The following PSMB7 variants were observed in gnomAD, a reference collection of about 807,000 sequenced individuals.
PSMB7 encodes proteasome 20S subunit beta 7.
Under a neutral mutation model 28.1 loss-of-function variants are expected in PSMB7, and 5 were observed. That is an observed-to-expected ratio of 0.18 (90% CI 0.09 to 0.37). PSMB7 has a LOEUF of 0.37. Ranked by LOEUF, PSMB7 falls within the 10% of genes least tolerant of loss-of-function variation. The pLI is 1.00. For missense variants in PSMB7, 275 were observed against 346.2 expected (o/e 0.79, Z 1.63); for synonymous variants, 122 against 123.7 (o/e 0.99, Z 0.09).
chr9:124,411,499 A>T (rs1337168772), intron 4 of PSMB7, among the ~76,000 whole-genome samples: 1 of 152,254 alleles, frequency 6.6e-6, no homozygotes, highest in Admixed American at 6.5e-5. Context: ...AAGGCAAAGA[A>T]TTTGTTAAAG....
At chr9:124,409,195 G>A (rs1408097) in intron 4 of PSMB7, among the ~76,000 whole-genome samples, 152,329 of 152,360 alleles carry the variant, frequency 1, 76,149 homozygotes, top group Non-Finnish European at 1. Context: ...AAGAACTTAA[G>A]AGACAGAAGA....
At position 124,407,678 on chromosome 9, in the gene PSMB7, C is replaced by T. The variant is rs114514566; in HGVS notation, c.396-2246G>A. The stretch of plus-strand genomic sequence containing the variant: ...ATTAAAATTTTAATAATTTATTGAT[C>T]CACAAATTCTACTACCAGGACTCTA... On this transcript the variant is annotated intron_variant, in intron 4 of 7. Coordinates refer to ENST00000259457, the MANE Select transcript of PSMB7 (RefSeq NM_002799.4). 7.3e-3 allele frequency among the ~76,000 whole-genome samples: 1,114 copies of T among 152,186 alleles called. 13 individuals are homozygous for T. Among genetic ancestry groups the T allele is most frequent in the African/African-American group, 0.026 (1,064 of 41,498 alleles).
intron 5 of PSMB7, among the ~76,000 whole-genome samples, chr9:124,396,272 T>C (rs892478452): frequency 1.3e-5 from 2 of 151,386 alleles, no homozygotes; most frequent in Non-Finnish European, 3.0e-5. Context: ...TACTTGAGTA[T>C]AAAAATACAG....
chr9:124,358,628 C>G (rs1325000511), intron 6 of PSMB7, among the ~76,000 whole-genome samples: 1 of 152,254 alleles, frequency 6.6e-6, no homozygotes, highest in Admixed American at 6.5e-5. Flanking sequence ...AAACCAACCA[C>G]TAATTCAGCA....
chr9:124,355,153 T>C (rs540842929), intron 7 of PSMB7, among the ~76,000 whole-genome samples: 2 of 152,374 alleles, frequency 1.3e-5, no homozygotes, highest in South Asian at 4.1e-4. Flanking sequence ...TCCAGGGAGC[T>C]TGGACACTTG....
rs1195878771 is a variant in PSMB7, at chr9:124,413,567, T to C, written c.254+341A>G. Among the ~76,000 whole-genome samples, 10 of 151,860 alleles carry C rather than the reference T, an allele frequency of 6.6e-5. No individual in the cohort carries two copies. In the East Asian group the frequency reaches 1.7e-3, roughly 26 times the overall value. On this transcript the variant is annotated intron_variant, in intron 3 of 7. Transcript: ENST00000259457. ...GAGGCCAATTAAATGGTAACTGCAA[T>C]AGTCCAGCTAAGAAAAAAGAACCTC...
chr9:124,414,973 GACC>G, intron 1 of PSMB7, 38 bp from the exon 2 acceptor site: 1 of 1,420,258 alleles, frequency 7.0e-7, no homozygotes. Context: ...TGAAGGGCAG[GACC>G]ACATCGCACA....
chr9:124,355,229 C>T (rs548975494), intron 7 of PSMB7, among the ~76,000 whole-genome samples: 2 of 152,362 alleles, frequency 1.3e-5, no homozygotes, highest in East Asian at 1.9e-4. Context: ...ACCCACCACA[C>T]GCCCAGCAGC....
At chr9:124,408,268 T>C (rs1012338209) in intron 4 of PSMB7, among the ~76,000 whole-genome samples, 1 of 152,200 alleles carries the variant, frequency 6.6e-6, no homozygotes, top group Non-Finnish European at 1.5e-5. Context: ...AGGGAGAGCT[T>C]TGACAACATC....
chr9:124,406,390 T>G (rs920497489), intron 4 of PSMB7, among the ~76,000 whole-genome samples: 1 of 150,130 alleles, frequency 6.7e-6, no homozygotes, highest in Non-Finnish European at 1.5e-5. Context: ...TAGTCCCAGA[T>G]ACTTGGGAGG....
intron 2 of PSMB7, 116 bp from the exon 3 acceptor site, chr9:124,414,121 G>T (rs186336472): frequency 5.0e-6 from 3 of 605,692 alleles, no homozygotes; most frequent in Admixed American, 6.0e-5. Flanking sequence ...ATCTCAAAAC[G>T]CCAGCCAAAA....
chr9:124,388,634 A>G (rs1261706999), intron 5 of PSMB7, among the ~76,000 whole-genome samples: 1 of 152,166 alleles, frequency 6.6e-6, no homozygotes, highest in Non-Finnish European at 1.5e-5. Context: ...ATGCTACAAT[A>G]CAGTTGAGAG....
intron 1 of PSMB7, 37 bp from the exon 2 acceptor site, chr9:124,414,972 G>C (rs776620309): frequency 1.4e-5 from 20 of 1,419,570 alleles, no homozygotes; most frequent in Non-Finnish European, 1.8e-5. Context: ...TTGAAGGGCA[G>C]GACCACATCG....
At chr9:124,361,315 A>G (rs1830463818) in intron 6 of PSMB7, among the ~76,000 whole-genome samples, 2 of 152,196 alleles carry the variant, frequency 1.3e-5, no homozygotes, top group African/African-American at 2.4e-5. Flanking sequence ...CTGGACTCCA[A>G]TGTGCAGTTC....
intron 6 of PSMB7, among the ~76,000 whole-genome samples, chr9:124,362,442 C>T (rs546495037): frequency 1.5e-4 from 23 of 152,322 alleles, no homozygotes; most frequent in African/African-American, 5.3e-4. Context: ...AGCAAGAATG[C>T]GGATGGCATC....
At position 124,400,096 on chromosome 9, in the gene PSMB7, C is replaced by T. The variant is rs527504100; in HGVS notation, c.511+5221G>A. Among the ~76,000 whole-genome samples the T allele has an allele frequency of 2.6e-5, 4 of 152,296 alleles. No individual in the cohort carries two copies. In the South Asian group the frequency reaches 8.3e-4, roughly 32 times the overall value. ...CTTCTGCTGCACCCCCTGCATGGGT[C>T]CCTTGCCCCACCCCCACTCACTGCT... On this transcript the variant is annotated intron_variant, in intron 5 of 7. Coordinates refer to ENST00000259457, the MANE Select transcript of PSMB7 (RefSeq NM_002799.4).
intron 4 of PSMB7, among the ~76,000 whole-genome samples, chr9:124,410,991 T>G (rs531546695): frequency 6.6e-6 from 1 of 152,154 alleles, no homozygotes; most frequent in Non-Finnish European, 1.5e-5. Flanking sequence ...TTTCTTTTTT[T>G]TTGAGACGGA....
intron 5 of PSMB7, among the ~76,000 whole-genome samples, chr9:124,404,080 G>A (rs998391327): frequency 4.6e-5 from 7 of 151,636 alleles, no homozygotes; most frequent in Non-Finnish European, 7.4e-5. Flanking sequence ...GGCACAGACC[G>A]GGTCTTGCTA....
intron 6 of PSMB7, among the ~76,000 whole-genome samples, chr9:124,364,194 G>A (rs1830487456): frequency 6.6e-6 from 1 of 152,120 alleles, no homozygotes. Context: ...TACAGATGAG[G>A]AAACTGGGGC....
Sources: gnomAD v4.1 joint callset for allele counts (sites outside exome capture counted in the v4.1 genomes callset) on GRCh38, gnomAD v4.1.1 for gene constraint, MANE v1.5 for transcripts, NCBI Gene and HGNC (gene_info 2026-07-23, HGNC 2026-07-21) for gene names.